SGCD: variants seen among roughly 807,000 people sequenced by gnomAD.
SGCD encodes the protein delta-sarcoglycan.
Under a neutral mutation model 36.6 loss-of-function variants are expected in SGCD, and 18 were observed. The ratio of observed to expected loss-of-function variants is 0.49; its 90% CI spans 0.34 to 0.73. The LOEUF (loss-of-function observed/expected upper bound fraction) is 0.73. SGCD is among the 30% of genes least tolerant of loss of function. The pLI is 0.01. For synonymous variants in SGCD, 133 were observed against 130.6 expected (o/e 1.02, Z -0.12); for missense variants, 387 against 346.7 (o/e 1.12, Z -0.92).
chr5:156,096,264 G>A (rs1194179305), intron 1 of SGCD, among the ~76,000 whole-genome samples: 2 of 152,160 alleles, frequency 1.3e-5, no homozygotes, highest in Non-Finnish European at 2.9e-5. Context: ...TCCCATATGG[G>A]CCACCAAACA....
At chr5:155,904,902 A>G (rs1580982423) in intron 1 of SGCD, among the ~76,000 whole-genome samples, 1 of 152,312 alleles carries the variant, frequency 6.6e-6, no homozygotes, top group African/African-American at 2.4e-5. Context: ...CTGCCATGTA[A>G]TAGGTGGACA....
intron 1 of SGCD, among the ~76,000 whole-genome samples, chr5:156,041,763 T>C (rs911461122): frequency 1.3e-5 from 2 of 151,866 alleles, no homozygotes; most frequent in East Asian, 1.9e-4. Flanking sequence ...TAAGGCAAAA[T>C]AGAATAAAAT....
At chr5:156,392,522 G>A (rs1771633853) in intron 3 of SGCD, among the ~76,000 whole-genome samples, 1 of 152,158 alleles carries the variant, frequency 6.6e-6, no homozygotes, top group Non-Finnish European at 1.5e-5. Context: ...AAGGCCCGGG[G>A]GGCATGTGTT....
chr5:156,751,888 A>G (rs1757159532), intron 7 of SGCD, among the ~76,000 whole-genome samples: 1 of 152,244 alleles, frequency 6.6e-6, no homozygotes, highest in Admixed American at 6.5e-5. Flanking sequence ...AAAGCTGTAG[A>G]TATGCAGATC....
At chr5:155,941,887 T>C (rs1757333485) in intron 1 of SGCD, among the ~76,000 whole-genome samples, 3 of 152,146 alleles carry the variant, frequency 2.0e-5, no homozygotes, top group Non-Finnish European at 2.9e-5. Context: ...ACTCAGAAAA[T>C]GAAAATGTAT....
In SGCD at chr5:156,647,426, A is replaced by G. The variant is rs1474468099; in HGVS notation, c.503-38A>G. ...GATTGTGCCTACAGGTGACTCCAGT[A>G]TCTCCAATCTCTGTTTGCTTTTCTG... On this transcript the variant is annotated intron_variant, in intron 6 of 8. Coordinates refer to ENST00000337851, the MANE Select transcript of SGCD (RefSeq NM_000337.6). 9 of 1,459,836 alleles carry G rather than the reference A, an allele frequency of 6.2e-6. No homozygotes were observed. In the East Asian group the frequency reaches 1.2e-4, roughly 20 times the overall value. The allele number at this position is 1,459,836 out of a possible 1,614,324, so 90.4% of individuals were successfully genotyped here.
chr5:155,992,390 C>T (rs149801171), intron 1 of SGCD, among the ~76,000 whole-genome samples: 1 of 152,112 alleles, frequency 6.6e-6, no homozygotes, highest in African/African-American at 2.4e-5. Flanking sequence ...TAGCTTGTCT[C>T]TTCTCTTTTT....
intron 7 of SGCD, among the ~76,000 whole-genome samples, chr5:156,670,058 C>T (rs1226834715): frequency 6.6e-6 from 1 of 152,110 alleles, no homozygotes; most frequent in Non-Finnish European, 1.5e-5. Flanking sequence ...GGCAATGTGA[C>T]TACATCATTC....
chr5:156,235,931 C>T (rs905269819), intron 3 of SGCD, among the ~76,000 whole-genome samples: 1 of 152,094 alleles, frequency 6.6e-6, no homozygotes, highest in Non-Finnish European at 1.5e-5. Context: ...TTTACCTTCT[C>T]GCCAAATGAT....
At chr5:156,265,770 G>A (rs1765984427) in intron 3 of SGCD, among the ~76,000 whole-genome samples, 1 of 151,922 alleles carries the variant, frequency 6.6e-6, no homozygotes, top group South Asian at 2.1e-4. Context: ...AAATGAACAA[G>A]CATAATGGAA....
At chr5:156,519,253 G>T (rs894894636) in intron 4 of SGCD, among the ~76,000 whole-genome samples, 2 of 151,978 alleles carry the variant, frequency 1.3e-5, no homozygotes, top group African/African-American at 4.8e-5. Flanking sequence ...TAAATTCCTG[G>T]ACACATACAC....
chr5:156,281,373 A>G (rs905198230), intron 3 of SGCD, among the ~76,000 whole-genome samples: 70 of 152,148 alleles, frequency 4.6e-4, no homozygotes, highest in African/African-American at 1.6e-3. Context: ...AATGTAATGC[A>G]AGGAATGACG....
At chr5:156,602,322 G>C (rs759274907) in intron 6 of SGCD, among the ~76,000 whole-genome samples, 1 of 151,162 alleles carries the variant, frequency 6.6e-6, no homozygotes, top group Non-Finnish European at 1.5e-5. Flanking sequence ...AGAATTGACT[G>C]TTAGATTTCT....
intron 3 of SGCD, among the ~76,000 whole-genome samples, chr5:156,227,556 T>A (rs1332328767): frequency 6.6e-6 from 1 of 152,180 alleles, no homozygotes; most frequent in African/African-American, 2.4e-5. Flanking sequence ...ATTTGTTCTT[T>A]ATGCTTAGTC....
chr5:156,205,650 A>G (rs1395033157), intron 3 of SGCD, among the ~76,000 whole-genome samples: 1 of 152,078 alleles, frequency 6.6e-6, no homozygotes, highest in Non-Finnish European at 1.5e-5. Flanking sequence ...TGAAAGTGCA[A>G]CTTGGATATA....
chr5:156,221,587 C>A (rs1764716655), intron 3 of SGCD, among the ~76,000 whole-genome samples: 1 of 151,342 alleles, frequency 6.6e-6, no homozygotes. Flanking sequence ...ACAAAAACAA[C>A]AACTTATCAA....
chr5:156,504,325 T>C (rs1326256980), intron 3 of SGCD, among the ~76,000 whole-genome samples: 1 of 150,772 alleles, frequency 6.6e-6, no homozygotes, highest in Non-Finnish European at 1.5e-5. Context: ...CCCCTAGAAT[T>C]TTTCTCCAAT....
At chr5:155,862,493 GT>G in the SGCD span, among the ~76,000 whole-genome samples, 20 of 152,028 alleles carry the variant, frequency 1.3e-4, no homozygotes, top group Admixed American at 1.3e-3. Context: ...CACCTGGCTA[GT>G]TTTTTATTTT....
At chr5:156,416,482 C>T (rs1773042570) in intron 3 of SGCD, among the ~76,000 whole-genome samples, 2 of 151,886 alleles carry the variant, frequency 1.3e-5, no homozygotes, top group Admixed American at 6.6e-5. Flanking sequence ...TTCATGTAGC[C>T]AAATGCCACC....
Sources: gnomAD v4.1 joint callset for allele counts (sites outside exome capture counted in the v4.1 genomes callset) on GRCh38, gnomAD v4.1.1 for gene constraint, MANE v1.5 for transcripts, NCBI Gene and HGNC (gene_info 2026-07-23, HGNC 2026-07-21) for gene names.